TRIM14: variants seen among roughly 807,000 people sequenced by gnomAD.
The protein encoded by TRIM14 is tripartite motif-containing protein 14.
A neutral mutation model predicts 44.5 loss-of-function variants in TRIM14; 28 were observed. That is an observed-to-expected ratio of 0.63 (90% confidence interval 0.47 to 0.86). TRIM14 has a LOEUF of 0.86. TRIM14 is among the 40% of genes least tolerant of loss of function. The probability of loss-of-function intolerance (pLI) is 0.00; values close to 1 mark genes in which losing one functional copy is unlikely to be tolerated. For synonymous variants in TRIM14, 299 were observed against 269.2 expected (o/e 1.11, Z -1.08); for missense variants, 607 against 611.1 (o/e 0.99, Z 0.07).
At chr9:98,036,846 G>A in the TRIM14 span, among the ~76,000 whole-genome samples, 8 of 152,152 alleles carry the variant, frequency 5.3e-5, no homozygotes, top group South Asian at 2.1e-4. Flanking sequence ...CTTGGTGCTG[G>A]GGATAGAGTA....
intron 2 of TRIM14, among the ~76,000 whole-genome samples, chr9:98,108,648 G>C (rs180954327): frequency 4.6e-5 from 7 of 151,964 alleles, no homozygotes; most frequent in Admixed American, 1.3e-4. Flanking sequence ...TCCTAGCCCA[G>C]AGTTCTGCTT....
At chr9:98,060,839 C>G in the TRIM14 span, 8 of 1,614,136 alleles carry the variant, frequency 5.0e-6, no homozygotes, top group South Asian at 7.7e-5. Context: ...CAAGTTTAAT[C>G]GGAAAGCCTT....
intron 2 of TRIM14, among the ~76,000 whole-genome samples, chr9:98,106,825 C>CTTCT (rs1564186536): frequency 2.6e-5 from 3 of 116,188 alleles, no homozygotes; most frequent in East Asian, 2.7e-4. Flanking sequence ...TTTCTTTCTT[C>CTTCT]TTTTTTTTTT....
At chr9:98,060,150 A>G in the TRIM14 span, among the ~76,000 whole-genome samples, 4 of 152,224 alleles carry the variant, frequency 2.6e-5, no homozygotes, top group Non-Finnish European at 5.9e-5. Context: ...TCAGTTATAT[A>G]ACTTAAAATC....
chr9:98,049,064 G>A, the TRIM14 span, among the ~76,000 whole-genome samples: 6 of 151,724 alleles, frequency 4.0e-5, no homozygotes, highest in South Asian at 2.1e-4. Context: ...TATTCTGGCC[G>A]GGAGCGGTGG....
At chr9:98,061,847 TCAGCCA>T in the TRIM14 span, among the ~76,000 whole-genome samples, 8 of 151,008 alleles carry the variant, frequency 5.3e-5, no homozygotes, top group African/African-American at 1.9e-4. Context: ...GAAGTAGGGG[TCAGCCA>T]CACTGGAATC....
At chr9:98,071,956 G>A (rs568848079) in intron 6 of TRIM14, among the ~76,000 whole-genome samples, 4 of 152,344 alleles carry the variant, frequency 2.6e-5, no homozygotes, top group Admixed American at 1.3e-4. Context: ...CATCGGTTGA[G>A]AACCCGGAGC....
chr9:98,063,248 T>G, the TRIM14 span, among the ~76,000 whole-genome samples: 1 of 151,378 alleles, frequency 6.6e-6, no homozygotes, highest in Non-Finnish European at 1.5e-5. Context: ...TTTTTGTTGT[T>G]GTTTGCTTGT....
At chr9:98,105,240 AG>A (rs1365260896) in intron 2 of TRIM14, among the ~76,000 whole-genome samples, 1 of 152,214 alleles carries the variant, frequency 6.6e-6, no homozygotes, top group African/African-American at 2.4e-5. Flanking sequence ...TTCCACCCGC[AG>A]GGGTTCTGGG....
At chr9:98,065,250 A>T (rs1023481319), downstream of TRIM14, among the ~76,000 whole-genome samples, 10 of 151,170 alleles carry the variant, frequency 6.6e-5, no homozygotes, top group Non-Finnish European at 1.3e-4. Flanking sequence ...AGAGAATTAC[A>T]ATGTTTAGCT....
At chr9:98,038,231 T>G in the TRIM14 span, among the ~76,000 whole-genome samples, 1 of 152,178 alleles carries the variant, frequency 6.6e-6, no homozygotes, top group African/African-American at 2.4e-5. Flanking sequence ...TTTGTATTTT[T>G]AGTAGAGATG....
At chr9:98,080,891 G>A (rs969866352), downstream of TRIM14, 14 of 1,613,946 alleles carry the variant, frequency 8.7e-6, no homozygotes, top group African/African-American at 2.7e-5. Flanking sequence ...ATCTGTGGCC[G>A]CAGTGGCTCT....
In TRIM14 at chr9:98,099,976, C is replaced by A; in HGVS notation, c.492G>T (p.Arg164Ser). 1 of 1,614,044 alleles carries A rather than the reference C, an allele frequency of 6.2e-7. No individual in the cohort carries two copies. Among genetic ancestry groups the A allele is most frequent in the Non-Finnish European group, 8.5e-7 (1 of 1,180,038 alleles). The change falls in exon 3 of 6, where the codon AGG becomes AGT. Residue 164 changes from arginine to serine, a missense_variant. Transcript: ENST00000341469. ...CGGGCTCCTGGCTGATACTCCAGAC[C>A]CTGTTGGAGAGATCATTCATGATGT... ...QLDIMNDLSN[R>S]VWSISQEPDP...
At chr9:98,105,930 G>C (rs146863432) in intron 2 of TRIM14, among the ~76,000 whole-genome samples, 67 of 152,330 alleles carry the variant, frequency 4.4e-4, no homozygotes, top group Non-Finnish European at 8.8e-4. Flanking sequence ...CAGGTGAAAA[G>C]AAAATCACCA....
chr9:98,066,912 A>G (rs1423704951), downstream of TRIM14, among the ~76,000 whole-genome samples: 3 of 152,140 alleles, frequency 2.0e-5, no homozygotes, highest in Non-Finnish European at 2.9e-5. Context: ...TGGCCTCCCA[A>G]AGTGCTGGGA....
the TRIM14 span, among the ~76,000 whole-genome samples, chr9:98,055,811 C>T: frequency 1.3e-5 from 2 of 152,024 alleles, no homozygotes; most frequent in Non-Finnish European, 2.9e-5. Flanking sequence ...GATCTGGGCT[C>T]ACTGCAACCT....
the TRIM14 span, among the ~76,000 whole-genome samples, chr9:98,057,520 C>T: frequency 6.6e-6 from 1 of 152,178 alleles, no homozygotes; most frequent in African/African-American, 2.4e-5. Flanking sequence ...ACTTAGCCTC[C>T]GTGAACCCTT....
intron 1 of TRIM14, among the ~76,000 whole-genome samples, chr9:98,111,648 G>T (rs993273173): frequency 6.6e-6 from 1 of 152,130 alleles, no homozygotes; most frequent in Non-Finnish European, 1.5e-5. Flanking sequence ...AGTTTTAAAA[G>T]TTGTTTTCAG....
At chr9:98,056,175 G>T in the TRIM14 span, among the ~76,000 whole-genome samples, 2 of 152,142 alleles carry the variant, frequency 1.3e-5, no homozygotes, top group Non-Finnish European at 2.9e-5. Context: ...AGGAACCTCC[G>T]CCACTTCTTG....
Sources: gnomAD v4.1 joint callset for allele counts (sites outside exome capture counted in the v4.1 genomes callset) on GRCh38, gnomAD v4.1.1 for gene constraint, MANE v1.5 for transcripts, NCBI Gene and HGNC (gene_info 2026-07-23, HGNC 2026-07-21) for gene names.